Variants in TNXB observed in about 807,000 individuals in gnomAD.
TNXB encodes the protein tenascin-X.
Under a neutral mutation model 340.5 loss-of-function variants are expected in TNXB, and 183 were observed. The ratio of observed to expected loss-of-function variants is 0.54; its 90% CI spans 0.48 to 0.61. The LOEUF (loss-of-function observed/expected upper bound fraction) is 0.61. Ranked by LOEUF, TNXB falls within the 20% of genes least tolerant of loss-of-function variation. The pLI, the probability that TNXB is intolerant of heterozygous loss-of-function variation, is 0.00. For missense variants in TNXB, 4,613 were observed against 5,446.4 expected, an observed-to-expected ratio of 0.85 and a Z score of 4.82; for synonymous variants, 2,121 against 2,314.5, an observed-to-expected ratio of 0.92 and a Z score of 2.40.
chr6:32,101,587 C>CATTTTTT (rs1308079893), intron 1 of TNXB, among the ~76,000 whole-genome samples: 2 of 131,912 alleles, frequency 1.5e-5, no homozygotes, highest in African/African-American at 6.1e-5. Flanking sequence ...CCGCACCCAG[C>CATTTTTT]CTTTTTTTTT....
chr6:32,093,440 C>T (rs1187119208), intron 4 of TNXB: 5 of 700,702 alleles, frequency 7.1e-6, no homozygotes, highest in Admixed American at 2.0e-5. Context: ...AGAGGCAGAA[C>T]ATAGTAGGGG....
Position 32,097,060 on chromosome 6 carries a change from C to A in TNXB, c.793G>T (p.Val265Leu). 1 of 1,613,740 alleles carries A rather than the reference C, an allele frequency of 6.2e-7. No individual in the cohort carries two copies. Among genetic ancestry groups the A allele is most frequent in the Non-Finnish European group, 8.5e-7 (1 of 1,179,758 alleles). Residue 265 changes from valine (V) to leucine (L), a missense_variant, in exon 3 of 44, where the codon GTG (valine) becomes TTG (leucine). Val to Leu is a conservative substitution (Grantham distance 32, BLOSUM62 1). Coordinates refer to ENST00000644971, the MANE Select transcript of TNXB (RefSeq NM_001365276.2). The surrounding 1 kb of genome is among the most constrained non-coding windows in gnomAD (Gnocchi z 5.9). ...QRGRCEGGRC[V>L]CDPGYTGDDC... ...TCACCAGTGTAGCCTGGGTCACACA[C>A]GCAGCGCCCACCCTCACAGCGTCCC... is the stretch of plus-strand genomic sequence containing the variant.
In TNXB at chr6:32,046,370, C is replaced by A. The variant is rs1306291340; in HGVS notation, c.10411G>T (p.Val3471Leu). ...AAGGAGTCAAAGGGGCCCTGGGCTA[C>A]CGTCCAGGACAGGCGCAGAGAGCTG... The part of the protein sequence containing the change: ...TSSSLRLSWT[V>L]AQGPFDSFVV... Residue 3471 changes from valine to leucine, a missense_variant, in exon 31 of 44, where the codon GTA becomes TTA. Val to Leu is a conservative substitution (Grantham distance 32). Transcript: ENST00000644971. This position sits in a 1 kb window ranked among gnomAD's most constrained non-coding sequence, Gnocchi z 6.9. 3 of 1,598,968 alleles carry A rather than the reference C, an allele frequency of 1.9e-6. No homozygotes were observed. In the Admixed American group the frequency reaches 5.0e-5, roughly 27 times the overall value.
Position 32,083,762 on chromosome 6 carries a change from C to T in TNXB, c.3445+651G>A, listed in dbSNP as rs568098683. On this transcript the variant is annotated intron_variant, in intron 8 of 43. Transcript: ENST00000644971. The surrounding 1 kb of genome is among the most constrained non-coding windows in gnomAD (Gnocchi z 4.6). ...GCAGCCTCGGTCTCCTGGGCTCAAG[C>T]GATCCTCCCACCTCAAGCCTCTCAA... is the stretch of plus-strand genomic sequence containing the variant. Among the ~76,000 whole-genome samples the T allele has an allele frequency of 1.9e-4, 29 of 152,210 alleles. No individual in the cohort carries two copies. The highest frequency in any genetic ancestry group is 1.8e-3 in the Admixed American group (27 of 15,294).
rs1483691391 is a variant in TNXB, at chr6:32,072,627, A to T, written c.4682-329T>A. Among the ~76,000 whole-genome samples, 1 of 152,240 alleles carries T rather than the reference A, an allele frequency of 6.6e-6. No individual in the cohort carries two copies. Among genetic ancestry groups the T allele is most frequent in the East Asian group, 1.9e-4 (1 of 5,204 alleles). ...CGCCACCAAGTCCTGTTATTTAATG[A>T]ACTAGTAAATAAGTCCAAGTATTAC... is the stretch of plus-strand genomic sequence containing the variant. On this transcript the variant is annotated intron_variant, in intron 12 of 43. Transcript: ENST00000644971. The surrounding 1 kb of genome is among the most constrained non-coding windows in gnomAD (Gnocchi z 4.4).
intron 1 of TNXB, among the ~76,000 whole-genome samples, chr6:32,105,730 C>T (rs1016697503): frequency 8.5e-5 from 13 of 152,286 alleles, no homozygotes; most frequent in African/African-American, 3.1e-4. Flanking sequence ...CTGGCAGGAC[C>T]AGATGGTACA....
In TNXB at chr6:32,061,388, A is replaced by G; in HGVS notation, c.7492+9T>C. The G allele has an allele frequency of 6.2e-7, 1 of 1,609,714 alleles. No homozygotes were observed. The highest frequency in any genetic ancestry group is 8.5e-7 in the Non-Finnish European group (1 of 1,177,596). ...AGGTGGTTACCCCGAGACTCCAAGC[A>G]CTACTCACCAGTCACGCCCACGGTG... is the stretch of plus-strand genomic sequence containing the variant. On this transcript the variant is annotated intron_variant, in intron 21 of 43. Coordinates refer to ENST00000644971, the MANE Select transcript of TNXB (RefSeq NM_001365276.2). The surrounding 1 kb of genome is among the most constrained non-coding windows in gnomAD (Gnocchi z 4.4).
At position 32,046,542 on chromosome 6, in the gene TNXB, G is replaced by A; in HGVS notation, c.10325-86C>T. 7 of 1,263,912 alleles carry A rather than the reference G, an allele frequency of 5.5e-6. No homozygotes were observed. Among genetic ancestry groups the A allele is most frequent in the Non-Finnish European group, 7.4e-6 (7 of 940,574 alleles). 78.3% of individuals were successfully genotyped at this position (1,263,912 alleles called of 1,614,324 possible). A position where few individuals can be genotyped will look rare whatever the true frequency, so the allele number is the denominator to read the frequency against. On this transcript the variant is annotated intron_variant, in intron 30 of 43. Coordinates refer to ENST00000644971, the MANE Select transcript of TNXB (RefSeq NM_001365276.2). The surrounding 1 kb of genome is among the most constrained non-coding windows in gnomAD (Gnocchi z 6.9). ...GCCTCCCGGAGGTGTGAGGTTCTGG[G>A]AAATGGTCCCTCCAGTGTAGCCCCA...
At chr6:32,060,287 A>C (rs984503828) in intron 21 of TNXB, among the ~76,000 whole-genome samples, 3 of 151,578 alleles carry the variant, frequency 2.0e-5, no homozygotes, top group Admixed American at 6.6e-5. Context: ...AGCCGAGATC[A>C]TGCCATTGCA....
Position 32,072,992 on chromosome 6 carries a change from T to C in TNXB, c.4681+655A>G, listed in dbSNP as rs1778866353. ...ATATTTTGATAACTGTCTATAAATA[T>C]AATGTTTCCTTTGTAATCCTATACA... On this transcript the variant is annotated intron_variant, in intron 12 of 43. Transcript: ENST00000644971. The surrounding 1 kb of genome is among the most constrained non-coding windows in gnomAD (Gnocchi z 4.4). Among the ~76,000 whole-genome samples, 1 of 152,254 alleles carries C rather than the reference T, an allele frequency of 6.6e-6. No homozygotes were observed. Among genetic ancestry groups the C allele is most frequent in the African/African-American group, 2.4e-5 (1 of 41,474 alleles).
intron 4 of TNXB, among the ~76,000 whole-genome samples, chr6:32,092,790 A>G (rs1394299684): frequency 2.6e-5 from 4 of 152,228 alleles, no homozygotes; most frequent in African/African-American, 9.6e-5. Flanking sequence ...AGCAGAAAGC[A>G]TGGTCTGAGG....
Position 32,052,268 on chromosome 6 carries a change from G to A in TNXB, c.9115+402C>T, listed in dbSNP as rs1041501870. On this transcript the variant is annotated intron_variant, in intron 26 of 43. Coordinates refer to ENST00000644971, the MANE Select transcript of TNXB (RefSeq NM_001365276.2). This position sits in a 1 kb window ranked among gnomAD's most constrained non-coding sequence, Gnocchi z 4.7. ...AGATTGAGACCATCCTGGCTAACAC[G>A]GTGAAACCCATCTCTACTAAAAATA... Among the ~76,000 whole-genome samples the A allele has an allele frequency of 2.0e-5, 3 of 152,076 alleles. No individual in the cohort carries two copies. The highest frequency in any genetic ancestry group is 4.4e-5 in the Non-Finnish European group (3 of 68,010).
rs9469082 is a variant in TNXB at position 32,073,154 on chromosome 6, A to G, written c.4681+493T>C. Among the ~76,000 whole-genome samples, 23,375 of 151,984 alleles carry G rather than the reference A, an allele frequency of 0.15. 2,346 individuals carry two copies. The highest frequency in any genetic ancestry group is 0.3 in the South Asian group (1,419 of 4,794). ...AAGGAGCCCAGAGCAAGAGTGAGGCAGCCTCCTGGAGAGATGAAAACTCTC... is the reference window on the plus strand; with the variant it reads ...AAGGAGCCCAGAGCAAGAGTGAGGCGGCCTCCTGGAGAGATGAAAACTCTC... On this transcript the variant is annotated intron_variant, in intron 12 of 43. Coordinates refer to ENST00000644971, the MANE Select transcript of TNXB (RefSeq NM_001365276.2). The surrounding 1 kb of genome is among the most constrained non-coding windows in gnomAD (Gnocchi z 4.6).
chr6:32,104,642 TC>T (rs1387151185), intron 1 of TNXB, among the ~76,000 whole-genome samples: 2 of 151,742 alleles, frequency 1.3e-5, no homozygotes, highest in Admixed American at 1.3e-4. Context: ...GCTTTTTTTT[TC>T]TTTTTTTTTG....
At position 32,056,827 on chromosome 6, in the gene TNXB, C is replaced by A. The variant is rs1246925619; in HGVS notation, c.7902G>T (p.Leu2634=). ...EPPIKPRLGE[L]TMTDATPDSL... is the part of the protein sequence containing the mutation. ...AGTCAGGGGTGGCATCTGTCATGGT[C>A]AGCTCCCCCAGGCGAGGCTTGATGG... The change falls in exon 23 of 44, where the codon CTG becomes CTT. Residue 2634 remains leucine (L), a synonymous_variant. Coordinates refer to ENST00000644971, the MANE Select transcript of TNXB (RefSeq NM_001365276.2). 2 of 1,613,066 alleles carry A rather than the reference C, an allele frequency of 1.2e-6. No homozygotes were observed. Among genetic ancestry groups the A allele is most frequent in the Non-Finnish European group, 1.7e-6 (2 of 1,179,830 alleles).
At position 32,046,490 on chromosome 6, in the gene TNXB, C is replaced by T. The variant is rs780534411; in HGVS notation, c.10325-34G>A. On this transcript the variant is annotated intron_variant, in intron 30 of 43. Transcript: ENST00000644971. The surrounding 1 kb of genome is among the most constrained non-coding windows in gnomAD (Gnocchi z 6.9). ...AGGGAGGAGGGAAAGCTCTTAGTCA[C>T]ATGCTGCCTTTGCCTAAGCCCTGGC... is the stretch of plus-strand genomic sequence containing the variant. 6.6e-7 allele frequency: 1 copy of T among 1,525,010 alleles called. No individual in the cohort carries two copies. Among genetic ancestry groups the T allele is most frequent in the Non-Finnish European group, 8.8e-7 (1 of 1,132,418 alleles). The allele number at this position is 1,525,010 out of a possible 1,614,324, so 94.5% of individuals were successfully genotyped here. A position where few individuals can be genotyped will look rare whatever the true frequency, so the allele number is the denominator to read the frequency against.
chr6:32,095,694 G>A lies in TNXB; in HGVS notation c.2159C>T (p.Pro720Leu), dbSNP rs1562873159. 2.5e-6 allele frequency: 4 copies of A among 1,613,896 alleles called. No homozygotes were observed. The highest frequency in any genetic ancestry group is 2.7e-5 in the African/African-American group (2 of 74,918). Residue 720 changes from proline to leucine, a missense_variant, in exon 3 of 44, where the codon CCA becomes CTA. Coordinates refer to ENST00000644971, the MANE Select transcript of TNXB (RefSeq NM_001365276.2). The part of the protein sequence containing the change: ...RGPDCAIQTC[P>L]GDCRGRGECH... ...CTCTCCTCGGCCACGGCAGTCCCCT[G>A]GGCATGTCTGGATGGCACAGTCAGG...
Position 32,083,035 on chromosome 6 carries a change from C to T in TNXB, c.3446-709G>A, listed in dbSNP as rs1027071714. 6.6e-6 allele frequency among the ~76,000 whole-genome samples: 1 copy of T among 152,178 alleles called. No homozygotes were observed. The highest frequency in any genetic ancestry group is 1.5e-5 in the Non-Finnish European group (1 of 68,034). ...GATTGCAGCCATGTCCTCACCTCCA[C>T]CACCCTCCCGATCCAGCTCCACCCC... On this transcript the variant is annotated intron_variant, in intron 8 of 43. Coordinates refer to ENST00000644971, the MANE Select transcript of TNXB (RefSeq NM_001365276.2). This position sits in a 1 kb window ranked among gnomAD's most constrained non-coding sequence, Gnocchi z 4.6.
At chr6:32,077,076 T>A (rs969168059) in intron 11 of TNXB, among the ~76,000 whole-genome samples, 1 of 152,230 alleles carries the variant, frequency 6.6e-6, no homozygotes, top group Non-Finnish European at 1.5e-5. Context: ...CCAAACTCCA[T>A]TTATCTCTAC....
Sources: gnomAD v4.1 joint callset for allele counts (sites outside exome capture counted in the v4.1 genomes callset) on GRCh38, gnomAD v4.1.1 for gene constraint, Gnocchi (gnomAD v3.1) non-coding constraint, MANE v1.5 for transcripts, NCBI Gene and HGNC (gene_info 2026-07-23, HGNC 2026-07-21) for gene names.